FGD5: variants seen among roughly 807,000 people sequenced by gnomAD.
FGD5 encodes the protein FYVE, RhoGEF and PH domain-containing protein 5.
A neutral mutation model predicts 133.4 loss-of-function variants in FGD5; 28 were observed. That is an observed-to-expected ratio of 0.21 (90% CI 0.16 to 0.29). FGD5 has a LOEUF of 0.29. Among genes scored for constraint, FGD5 ranks in the 10% least tolerant of loss-of-function variants. The pLI is 1.00. For synonymous variants in FGD5, 810 were observed against 776.5 expected (o/e 1.04, Z -0.72); for missense variants, 1,858 against 1,895.2 (o/e 0.98, Z 0.36).
At chr3:14,877,630 C>G (rs567889448) in intron 2 of FGD5, among the ~76,000 whole-genome samples, 1 of 152,266 alleles carries the variant, frequency 6.6e-6, no homozygotes, top group Admixed American at 6.5e-5. Flanking sequence ...ATCTTGACTT[C>G]CAGCATAGTT....
At position 14,819,641 on chromosome 3, in the gene FGD5, C is replaced by T; in HGVS notation, c.570C>T (p.Phe190=). 6.5e-7 allele frequency: 1 copy of T among 1,550,174 alleles called. No individual in the cohort carries two copies. The highest frequency in any genetic ancestry group is 8.7e-7 in the Non-Finnish European group (1 of 1,146,336). ...DSGPWAGEGV[F]QSDLLLPHIH... is the part of the protein sequence containing the mutation. ...GGCCTTGGGCTGGAGAGGGGGTCTT[C>T]CAGAGCGACCTCCTCCTGCCTCACA... The change falls in exon 1 of 20, where the codon TTC becomes TTT. Residue 190 remains phenylalanine, a synonymous_variant. Coordinates refer to ENST00000285046, the MANE Select transcript of FGD5 (RefSeq NM_152536.4). The surrounding 1 kb of genome is among the most constrained non-coding windows in gnomAD (Gnocchi z 4.1).
At chr3:14,825,981 A>G (rs2036590199) in intron 1 of FGD5, among the ~76,000 whole-genome samples, 1 of 152,230 alleles carries the variant, frequency 6.6e-6, no homozygotes, top group South Asian at 2.1e-4. Context: ...TGCTTTGTAT[A>G]CAGTTATTAC....
At chr3:14,854,403 T>TTA (rs2037232338) in intron 1 of FGD5, among the ~76,000 whole-genome samples, 1 of 113,918 alleles carries the variant, frequency 8.8e-6, no homozygotes, top group Admixed American at 8.8e-5. Context: ...ATTTATTTAT[T>TTA]TATTTATTTA....
intron 10 of FGD5, 72 bp from the exon 11 acceptor site, chr3:14,910,789 C>A: frequency 7.1e-7 from 1 of 1,408,900 alleles, no homozygotes. Context: ...CACTCAGGGG[C>A]CTCCCCTGCA....
In FGD5 at chr3:14,917,212, G is replaced by C. The variant is rs1434999754; in HGVS notation, c.3406-37G>C. 6.3e-7 allele frequency: 1 copy of C among 1,589,752 alleles called. No homozygotes were observed. Among genetic ancestry groups the C allele is most frequent in the Non-Finnish European group, 8.6e-7 (1 of 1,164,760 alleles). On this transcript the variant is annotated intron_variant, in intron 11 of 19. Transcript: ENST00000285046. The surrounding 1 kb of genome is among the most constrained non-coding windows in gnomAD (Gnocchi z 4.1). ...GACAGAAGCCTGGCGCAGCCTTCTG[G>C]GGCCAGGGTCCTCTCATAGGGTTTC... is the stretch of plus-strand genomic sequence containing the variant.
chr3:14,841,872 G>C (rs894016764), intron 1 of FGD5, among the ~76,000 whole-genome samples: 1 of 152,198 alleles, frequency 6.6e-6, no homozygotes, highest in Non-Finnish European at 1.5e-5. Flanking sequence ...CTCCCAGGGT[G>C]CAGGGTCCAG....
chr3:14,838,670 GT>G (rs1253030905), intron 1 of FGD5, among the ~76,000 whole-genome samples: 5 of 152,200 alleles, frequency 3.3e-5, no homozygotes, highest in Admixed American at 1.3e-4. Context: ...GAGGTTCTGG[GT>G]ATGACCCATT....
intron 4 of FGD5, among the ~76,000 whole-genome samples, chr3:14,883,759 A>C (rs909480267): frequency 6.6e-6 from 1 of 152,234 alleles, no homozygotes; most frequent in African/African-American, 2.4e-5. Context: ...GTATGTGAAC[A>C]GACAATTTAC....
chr3:14,823,748 G>A (rs1488255653), intron 1 of FGD5, among the ~76,000 whole-genome samples: 2 of 152,220 alleles, frequency 1.3e-5, no homozygotes, highest in Non-Finnish European at 1.5e-5. Flanking sequence ...AATCACAAGA[G>A]CAAGTCCTTC....
chr3:14,832,710 C>G (rs965496408), intron 1 of FGD5, among the ~76,000 whole-genome samples: 2 of 152,122 alleles, frequency 1.3e-5, no homozygotes, highest in African/African-American at 4.8e-5. Context: ...TCTAGTTCAT[C>G]CCTTTGAGAG....
rs893015594 is a variant in FGD5 at position 14,911,736 on chromosome 3, A to G, written c.3405+807A>G. Among the ~76,000 whole-genome samples, 4 of 149,430 alleles carry G rather than the reference A, an allele frequency of 2.7e-5. No homozygotes were observed. In the Admixed American group the frequency reaches 2.7e-4, roughly 10 times the overall value. On this transcript the variant is annotated intron_variant, in intron 11 of 19. Coordinates refer to ENST00000285046, the MANE Select transcript of FGD5 (RefSeq NM_152536.4). ...AGTCCAATGGGAGGGAGAAGCAAGC[A>G]GACAGCCCATTGTAAATGCAGAGTT... is the stretch of plus-strand genomic sequence containing the variant.
At chr3:14,853,323 A>G (rs922117346) in intron 1 of FGD5, among the ~76,000 whole-genome samples, 1 of 151,964 alleles carries the variant, frequency 6.6e-6, no homozygotes, top group Non-Finnish European at 1.5e-5. Flanking sequence ...GGGTTTAGAA[A>G]TCCCTATCCC....
intron 4 of FGD5, among the ~76,000 whole-genome samples, chr3:14,886,554 C>G (rs952950131): frequency 6.6e-6 from 1 of 152,332 alleles, no homozygotes; most frequent in Middle Eastern, 3.4e-3. Context: ...GACGTGCTCT[C>G]CCCTCCGATG....
rs1419365392 is a variant in FGD5 at position 14,822,124 on chromosome 3, AAAAG to A, written c.2525+532_2525+535del. On this transcript the variant is annotated intron_variant, in intron 1 of 19. Transcript: ENST00000285046. Reference sequence around the variant, plus strand: ...AAAAAAATAAAAAAAAAAGAAAAGAAAAAGAAAAAAGAAAATCAGAGTAGATATT... The same window carrying A: ...AAAAAAATAAAAAAAAAAGAAAAGAAAAAAAAGAAAATCAGAGTAGATATT... 2.2e-4 allele frequency among the ~76,000 whole-genome samples: 33 copies of A among 152,148 alleles called. 1 individual carries two copies. Among genetic ancestry groups the A allele is most frequent in the South Asian group, 2.1e-4 (1 of 4,826 alleles).
chr3:14,916,543 C>T (rs1377074875), intron 11 of FGD5, among the ~76,000 whole-genome samples: 2 of 152,316 alleles, frequency 1.3e-5, no homozygotes, highest in East Asian at 3.8e-4. Context: ...CCTTCCTTAG[C>T]TATACTTTAT....
chr3:14,875,438 A>G (rs1441822413), intron 2 of FGD5, among the ~76,000 whole-genome samples: 1 of 152,154 alleles, frequency 6.6e-6, no homozygotes, highest in Non-Finnish European at 1.5e-5. Flanking sequence ...GGCACAGGAA[A>G]CTGTGTGAAC....
intron 4 of FGD5, among the ~76,000 whole-genome samples, chr3:14,894,278 A>T (rs2038090065): frequency 6.6e-6 from 1 of 152,194 alleles, no homozygotes; most frequent in Non-Finnish European, 1.5e-5. Flanking sequence ...GCTGCAGATG[A>T]CAGGACTTCA....
At chr3:14,847,191 G>T (rs1241689082) in intron 1 of FGD5, among the ~76,000 whole-genome samples, 1 of 152,164 alleles carries the variant, frequency 6.6e-6, no homozygotes, top group East Asian at 1.9e-4. Flanking sequence ...GTTTGGAAAT[G>T]CCGACCCCCA....
At chr3:14,886,195 G>A (rs2037921760) in intron 4 of FGD5, among the ~76,000 whole-genome samples, 1 of 152,212 alleles carries the variant, frequency 6.6e-6, no homozygotes, top group African/African-American at 2.4e-5. Flanking sequence ...TCCCAGGCAG[G>A]AAGAAGGAGA....
Sources: gnomAD v4.1 joint callset for allele counts (sites outside exome capture counted in the v4.1 genomes callset) on GRCh38, gnomAD v4.1.1 for gene constraint, Gnocchi (gnomAD v3.1) non-coding constraint, MANE v1.5 for transcripts, NCBI Gene and HGNC (gene_info 2026-07-23, HGNC 2026-07-21) for gene names.